The following PPM1H variants were observed in gnomAD, a reference collection of about 807,000 sequenced individuals.
PPM1H encodes the protein protein phosphatase 1H.
PPM1H carries 27 observed loss-of-function variants against 54.9 expected under a neutral mutation model. The observed-to-expected ratio is 0.49, with a 90% CI of 0.36 to 0.68. PPM1H has a LOEUF of 0.68. Among genes scored for constraint, PPM1H ranks in the 30% least tolerant of loss-of-function variants. PPM1H has a pLI of 0.00. For missense variants in PPM1H, 596 were observed against 667.8 expected (o/e 0.89, Z 1.19); for synonymous variants, 305 against 270.8 (o/e 1.13, Z -1.24).
intron 1 of PPM1H, among the ~76,000 whole-genome samples, chr12:62,842,386 T>A (rs962320509): frequency 1.1e-4 from 17 of 152,232 alleles, no homozygotes; most frequent in African/African-American, 4.1e-4. Context: ...CAAAATTTTT[T>A]TTGAAAGTCA....
chr12:62,700,881 T>A (rs1421985555), intron 6 of PPM1H, among the ~76,000 whole-genome samples: 1 of 152,224 alleles, frequency 6.6e-6, no homozygotes, highest in Admixed American at 6.5e-5. Context: ...TCTTTAACAT[T>A]GTTCCTGTCC....
chr12:62,739,079 G>GAGAAA (rs575507573), intron 4 of PPM1H, among the ~76,000 whole-genome samples: 2 of 146,154 alleles, frequency 1.4e-5, no homozygotes, highest in Non-Finnish European at 3.0e-5. Context: ...ATGACTCTAG[G>GAGAAA]AAAAAAAAAA....
At chr12:62,865,535 AT>A in intron 1 of PPM1H, among the ~76,000 whole-genome samples, 1 of 151,910 alleles carries the variant, frequency 6.6e-6, no homozygotes, top group East Asian at 1.9e-4. Context: ...GCCCTTTGTC[AT>A]TTTTTTAAAA....
Position 62,788,311 on chromosome 12 carries a change from A to G in PPM1H, c.784T>C (p.Ser262Pro). ...MDLQIERERS[S>P]YNISGGCTAL... The stretch of plus-strand genomic sequence containing the variant: ...GTGCAGCCACCAGATATATTATATG[A>G]ACTCCTCTCTCGTTCTATCTGTAGG... The change falls in exon 4 of 10, where the codon TCA (serine) becomes CCA (proline). Residue 262 changes from serine (S) to proline (P), a missense_variant. Physicochemically the swap from Ser to Pro is moderately conservative, Grantham distance 74. Around this residue, in one of 3 missense-constraint regions of PPM1H, gnomAD observed 382 missense variants for 387.1 expected, o/e 0.99. Coordinates refer to ENST00000228705, the MANE Select transcript of PPM1H (RefSeq NM_020700.2). The G allele has an allele frequency of 1.3e-6, 2 of 1,584,214 alleles. No homozygotes were observed. Among genetic ancestry groups the G allele is most frequent in the Non-Finnish European group, 1.7e-6 (2 of 1,163,622 alleles).
At chr12:62,664,459 T>C (rs570289098) in intron 9 of PPM1H, among the ~76,000 whole-genome samples, 5 of 152,334 alleles carry the variant, frequency 3.3e-5, no homozygotes, top group African/African-American at 1.2e-4. Context: ...ACCCTTTCTA[T>C]TATTTTAACA....
intron 6 of PPM1H, 37 bp from the exon 7 acceptor site, chr12:62,694,036 A>T (rs756626692): frequency 7.0e-6 from 11 of 1,573,142 alleles, no homozygotes; most frequent in Admixed American, 5.3e-5. Flanking sequence ...AAAGGTTTGC[A>T]CTCAATTAGT....
intron 1 of PPM1H, among the ~76,000 whole-genome samples, chr12:62,932,660 G>A (rs1373361782): frequency 3.9e-5 from 1 of 25,364 alleles, no homozygotes; most frequent in Non-Finnish European, 1.1e-4. Flanking sequence ...TTGAGAAGGA[G>A]TTTCGCTCTT....
rs771377121 is a variant in PPM1H, at chr12:62,788,282, G to T, written c.813C>A (p.Ala271=). ...SSYNISGGCT[A]LIVICLLGKL... ...TCCCCAAAAGGCAAATCACAATGAGGGCCGTGCAGCCACCAGATATATTAT... is the reference window on the plus strand; with the variant it reads ...TCCCCAAAAGGCAAATCACAATGAGTGCCGTGCAGCCACCAGATATATTAT... Residue 271 remains alanine, a synonymous_variant, in exon 4 of 10, where the codon GCC becomes GCA. Transcript: ENST00000228705. 4.4e-6 allele frequency: 7 copies of T among 1,598,142 alleles called. No homozygotes were observed. The highest frequency in any genetic ancestry group is 2.2e-5 in the East Asian group (1 of 44,514).
intron 2 of PPM1H, among the ~76,000 whole-genome samples, chr12:62,804,637 T>C (rs1322452595): frequency 6.6e-6 from 1 of 151,898 alleles, no homozygotes; most frequent in Non-Finnish European, 1.5e-5. Context: ...GATGCTTTCA[T>C]TTTTTTAATG....
At chr12:62,841,125 G>A (rs1299916777) in intron 1 of PPM1H, among the ~76,000 whole-genome samples, 1 of 151,970 alleles carries the variant, frequency 6.6e-6, no homozygotes, top group African/African-American at 2.4e-5. Context: ...GAGGTGAGAA[G>A]GTGAAACAAG....
intron 1 of PPM1H, among the ~76,000 whole-genome samples, chr12:62,891,930 G>A (rs1046900507): frequency 6.6e-6 from 1 of 152,148 alleles, no homozygotes; most frequent in Admixed American, 6.6e-5. Context: ...GTGTGCATGT[G>A]TATGTGCAGG....
chr12:62,838,729 G>A (rs1219248896), intron 1 of PPM1H, among the ~76,000 whole-genome samples: 1 of 105,982 alleles, frequency 9.4e-6, no homozygotes, highest in East Asian at 2.7e-4. Context: ...AGACCATCCT[G>A]GCTAACACGG....
chr12:62,664,768 T>G (rs1415223503), intron 9 of PPM1H, among the ~76,000 whole-genome samples: 3 of 152,248 alleles, frequency 2.0e-5, no homozygotes, highest in Admixed American at 2.0e-4. Context: ...GAGCACACCC[T>G]GTAGAAATTT....
chr12:62,649,283 T>C (rs2075803641), intron 9 of PPM1H, among the ~76,000 whole-genome samples: 1 of 152,018 alleles, frequency 6.6e-6, no homozygotes, highest in African/African-American at 2.4e-5. Context: ...CTTGTCAGCG[T>C]CACCCTCTCC....
intron 4 of PPM1H, among the ~76,000 whole-genome samples, chr12:62,780,839 CT>C (rs1216626589): frequency 7.9e-5 from 12 of 152,216 alleles, no homozygotes; most frequent in African/African-American, 2.9e-4. Flanking sequence ...ACAAAGTTTC[CT>C]CCTGGCACTG....
chr12:62,652,219 T>C (rs9971786), intron 9 of PPM1H, among the ~76,000 whole-genome samples: 61,786 of 151,724 alleles, frequency 0.41, 12,782 homozygotes, highest in South Asian at 0.52. Context: ...AACTTTGCAT[T>C]ATTATTATTC....
intron 4 of PPM1H, among the ~76,000 whole-genome samples, chr12:62,748,548 AC>A (rs2076425153): frequency 1.3e-5 from 2 of 151,854 alleles, no homozygotes; most frequent in East Asian, 3.9e-4. Flanking sequence ...ACACACACAC[AC>A]ACACACACAC....
intron 1 of PPM1H, among the ~76,000 whole-genome samples, chr12:62,852,455 C>T (rs58834423): frequency 3.9e-5 from 6 of 152,106 alleles, no homozygotes; most frequent in East Asian, 3.9e-4. Context: ...TTCCAGCCTC[C>T]GGAACTGTGA....
At chr12:62,661,211 G>T (rs1411321069) in intron 9 of PPM1H, among the ~76,000 whole-genome samples, 1 of 152,072 alleles carries the variant, frequency 6.6e-6, no homozygotes, top group Admixed American at 6.6e-5. Context: ...GACATCCTTT[G>T]CTTTAGGTTA....
Sources: allele counts gnomAD v4.1 joint callset (sites outside exome capture counted in the v4.1 genomes callset), GRCh38; gene constraint gnomAD v4.1.1; regional missense constraint gnomAD v4.1.1; transcripts MANE v1.5; gene names NCBI Gene and HGNC (gene_info 2026-07-23, HGNC 2026-07-21).